Variants in CNGA2 observed in about 807,000 individuals in gnomAD.
CNGA2 encodes the protein cyclic nucleotide-gated channel alpha-2.
In CNGA2, 22 loss-of-function variants were observed where a neutral mutation model predicts 35.9. The observed-to-expected ratio is 0.61, with a 90% CI of 0.44 to 0.88. The LOEUF (loss-of-function observed/expected upper bound fraction) is 0.88. Ranked by LOEUF, CNGA2 falls within the 40% of genes least tolerant of loss-of-function variation. CNGA2 has a pLI of 0.00. For missense variants in CNGA2, 555 were observed against 530.8 expected, an observed-to-expected ratio of 1.05 and a Z score of -0.45; for synonymous variants, 217 against 209.2, an observed-to-expected ratio of 1.04 and a Z score of -0.32.
chrX:151,736,976 G>A (rs2015252750), intron 1 of CNGA2, among the ~76,000 whole-genome samples: 1 of 111,733 alleles, frequency 8.9e-6, no homozygotes, highest in African/African-American at 3.2e-5. Flanking sequence ...GGTCCAAGCA[G>A]GGACTCAGTG....
At position 151,743,779 on chromosome X, in the gene CNGA2, C is replaced by G. The variant is rs1396710739; in HGVS notation, c.1276C>G (p.Arg426Gly). The change falls in exon 7 of 7, where the codon CGA becomes GGA. Residue 426 changes from arginine to glycine, a missense_variant. By Grantham distance (125) the Arg-to-Gly change is moderately radical (BLOSUM62 -2). Coordinates refer to ENST00000329903, the MANE Select transcript of CNGA2 (RefSeq NM_005140.3). ...GACCAATAAGAAGACAGTGGATGAG[C>G]GAGAAATTCTCAAGAATCTGCCAGC... ...LWTNKKTVDE[R>G]EILKNLPAKL... The G allele has an allele frequency of 1.7e-6, 2 of 1,211,324 alleles. No individual in the cohort carries two copies. Among genetic ancestry groups the G allele is most frequent in the Non-Finnish European group, 1.1e-6 (1 of 895,388 alleles).
At chrX:151,735,858 T>C (rs776373373) in intron 1 of CNGA2, among the ~76,000 whole-genome samples, 5 of 110,724 alleles carry the variant, frequency 4.5e-5, no homozygotes, top group African/African-American at 1.6e-4. Context: ...CCCCTCCTAC[T>C]CCTCGCTTGA....
chrX:151,738,560 C>T lies in CNGA2; in HGVS notation c.77C>T (p.Ala26Val). 3 of 1,210,896 alleles carry T rather than the reference C, an allele frequency of 2.5e-6. No individual in the cohort carries two copies. The highest frequency in any genetic ancestry group is 3.4e-6 in the Non-Finnish European group (3 of 894,596). The change falls in exon 2 of 7, where the codon GCC becomes GTC. Residue 26 changes from alanine (A) to valine (V), a missense_variant. Physicochemically the swap from Ala to Val is moderately conservative, Grantham distance 64 (BLOSUM62 0). Coordinates refer to ENST00000329903, the MANE Select transcript of CNGA2 (RefSeq NM_005140.3). ...CATCATGCACCTCCTGCCATCAAGG[C>T]CAATGGCAAAGATGACCACAGGACA... ...HNHHAPPAIKANGKDDHRTSS... is the reference protein window; with the variant it reads ...HNHHAPPAIKVNGKDDHRTSS...
chrX:151,744,526 A>ATTGGCC lies in CNGA2; in HGVS notation c.*38_*43dup, dbSNP rs771487965. 6.4e-6 allele frequency: 6 copies of ATTGGCC among 942,972 alleles called. No individual in the cohort carries two copies. The South Asian group carries it at 9.0e-5, about 14-fold the overall frequency. The allele number at this position is 942,972 out of a possible 1,213,427, so 77.7% of individuals were successfully genotyped here. On this transcript the variant is annotated 3_prime_UTR_variant, in exon 7 of 7. Transcript: ENST00000329903. ...CCTGGGGCCCAACTGCCTCTCCAGC[A>ATTGGCC]TTGGCCTTGGCCTTGATCCCAGAAG... is the stretch of plus-strand genomic sequence containing the variant.
chrX:151,740,612 A>G (rs970355156), intron 4 of CNGA2, among the ~76,000 whole-genome samples, 182 bp from the exon 5 acceptor site: 3 of 112,395 alleles, frequency 2.7e-5, no homozygotes, highest in Non-Finnish European at 3.8e-5. Context: ...AGTTCCACTC[A>G]GATGTCCAGT....
At chrX:151,734,983 T>A (rs956283841) in intron 1 of CNGA2, among the ~76,000 whole-genome samples, 40 bp downstream of exon 1, 5 of 111,730 alleles carry the variant, frequency 4.5e-5, no homozygotes, top group Non-Finnish European at 9.4e-5. Flanking sequence ...GATGAGTGAA[T>A]GAATGGGCCA....
At position 151,743,448 on chromosome X, in the gene CNGA2, T is replaced by C. The variant is rs910747625; in HGVS notation, c.945T>C (p.Pro315=). ...DTWVYPNITD[P]EYGYLAREYI... is the part of the protein sequence containing the mutation. ...GGGTTTACCCAAACATCACTGACCC[T>C]GAGTATGGCTACCTGGCTAGGGAAT... Residue 315 remains proline (P), a synonymous_variant, in exon 7 of 7, where the codon CCT becomes CCC. Coordinates refer to ENST00000329903, the MANE Select transcript of CNGA2 (RefSeq NM_005140.3). 1.7e-6 allele frequency: 2 copies of C among 1,210,827 alleles called. No individual in the cohort carries two copies. The highest frequency in any genetic ancestry group is 1.1e-6 in the Non-Finnish European group (1 of 895,168).
chrX:151,742,996 A>ATATATATATATG (rs2015327408), intron 6 of CNGA2, 97 bp from the exon 7 acceptor site: 1 of 25,720 alleles, frequency 3.9e-5, no homozygotes, highest in African/African-American at 1.8e-4. Context: ...ATATATGTGT[A>ATATATATATATG]TATATATATA....
chrX:151,743,010 A>G lies in CNGA2; in HGVS notation c.590-83A>G, dbSNP rs1478503630. Reference sequence around the variant, plus strand: ...TATATATGTGTATATATATATACACATATATATGTATATATATGCACATAT... The same window carrying G: ...TATATATGTGTATATATATATACACGTATATATGTATATATATGCACATAT... On this transcript the variant is annotated intron_variant, in intron 6 of 6. Transcript: ENST00000329903. 4.0e-5 allele frequency: 3 copies of G among 75,650 alleles called. No homozygotes were observed. In the East Asian group the frequency reaches 5.5e-4, roughly 14 times the overall value. 6.2% of individuals were successfully genotyped at this position (75,650 alleles called of 1,213,427 possible).
In CNGA2 at chrX:151,739,834, C is replaced by T. The variant is rs184075238; in HGVS notation, c.374+102C>T. The T allele has an allele frequency of 6.4e-4, 596 of 929,089 alleles. 3 individuals carry two copies. The African/African-American group carries it at 0.011, about 16-fold the overall frequency. The allele number at this position is 929,089 out of a possible 1,213,427, so 76.6% of individuals were successfully genotyped here. A position where few individuals can be genotyped will look rare whatever the true frequency, so the allele number is the denominator to read the frequency against. ...CTGCTAGGGGCTATGACAAGCCCTG[C>T]TGTAGTAAAAAGAGTGGTGGGCAAG... On this transcript the variant is annotated intron_variant, in intron 4 of 6. Coordinates refer to ENST00000329903, the MANE Select transcript of CNGA2 (RefSeq NM_005140.3).
chrX:151,740,062 G>A (rs946728977), intron 4 of CNGA2, among the ~76,000 whole-genome samples: 2 of 112,266 alleles, frequency 1.8e-5, no homozygotes, highest in Non-Finnish European at 3.8e-5. Context: ...CCCTGGAGGG[G>A]ATGCCAATCT....
intron 1 of CNGA2, among the ~76,000 whole-genome samples, chrX:151,735,393 G>A (rs1440064354): frequency 8.9e-6 from 1 of 111,783 alleles, no homozygotes; most frequent in Non-Finnish European, 1.9e-5. Flanking sequence ...TATTGCAAAC[G>A]TTCTGGCCTC....
In CNGA2 at chrX:151,738,489, C is replaced by T. The variant is rs145435266; in HGVS notation, c.6C>T (p.Thr2=). The T allele has an allele frequency of 1.7e-3, 2,046 of 1,207,368 alleles. 18 individuals carry two copies. The African/African-American group carries it at 0.031, about 18-fold the overall frequency. ...GCTCTGGTTGTACATGGAGGATGAC[C>T]GAAAAAACCAATGGTGTGAAGAGCT... M[T]EKTNGVKSSP... The change falls in exon 2 of 7, where the codon ACC becomes ACT. Residue 2 remains threonine (T), a synonymous_variant. Coordinates refer to ENST00000329903, the MANE Select transcript of CNGA2 (RefSeq NM_005140.3).
In CNGA2 at chrX:151,743,205, C is replaced by T; in HGVS notation, c.702C>T (p.Ile234=). ...CTTCCATCATCCCCACTGACCTGATCTATTTTGCTGTGGACATCCACAGCC... is the reference window on the plus strand; with the variant it reads ...CTTCCATCATCCCCACTGACCTGATTTATTTTGCTGTGGACATCCACAGCC... ...DVASIIPTDL[I]YFAVDIHSPE... Residue 234 remains isoleucine, a synonymous_variant, in exon 7 of 7, where the codon ATC becomes ATT. Transcript: ENST00000329903. 1 of 1,205,912 alleles carries T rather than the reference C, an allele frequency of 8.3e-7. No homozygotes were observed. Among genetic ancestry groups the T allele is most frequent in the Non-Finnish European group, 1.1e-6 (1 of 894,180 alleles).
chrX:151,743,420 C>A lies in CNGA2; in HGVS notation c.917C>A (p.Thr306Asn). 1 of 1,210,651 alleles carries A rather than the reference C, an allele frequency of 8.3e-7. No individual in the cohort carries two copies. ...ISKSIGFGVDTWVYPNITDPE... is the reference protein window; with the variant it reads ...ISKSIGFGVDNWVYPNITDPE... ...AAATCCATAGGCTTTGGGGTCGACA[C>A]CTGGGTTTACCCAAACATCACTGAC... The change falls in exon 7 of 7, where the codon ACC becomes AAC. Residue 306 changes from threonine to asparagine, a missense_variant. Physicochemically the swap from Thr to Asn is moderately conservative, Grantham distance 65. Coordinates refer to ENST00000329903, the MANE Select transcript of CNGA2 (RefSeq NM_005140.3).
rs1342672015 is a variant in CNGA2, at chrX:151,744,287, T to C, written c.1784T>C (p.Val595Ala). The C allele has an allele frequency of 8.3e-7, 1 of 1,206,571 alleles. No individual in the cohort carries two copies. Residue 595 changes from valine to alanine, a missense_variant, in exon 7 of 7, where the codon GTC becomes GCC. By Grantham distance (64) the Val-to-Ala change is moderately conservative. Transcript: ENST00000329903. ...DENEVATSME[V>A]DVQEKLGQLE... ...AACGAAGTGGCAACCAGCATGGAGG[T>C]CGACGTGCAGGAGAAGCTAGGGCAG...
chrX:151,744,422 T>A lies in CNGA2; in HGVS notation c.1919T>A (p.Met640Lys). The A allele has an allele frequency of 8.3e-7, 1 of 1,209,899 alleles. No homozygotes were observed. The highest frequency in any genetic ancestry group is 1.1e-6 in the Non-Finnish European group (1 of 894,715). Residue 640 changes from methionine to lysine, a missense_variant, in exon 7 of 7, where the codon ATG (methionine) becomes AAG (lysine). Transcript: ENST00000329903. ...KQRITVLETK[M>K]KQNNEDDYLS... ...CGCATCACAGTTCTGGAAACCAAGA[T>A]GAAACAGAACAATGAAGATGACTAC...
intron 3 of CNGA2, 73 bp from the exon 4 acceptor site, chrX:151,739,489 C>T: frequency 9.6e-7 from 1 of 1,043,929 alleles, no homozygotes; most frequent in Non-Finnish European, 1.3e-6. Flanking sequence ...AGACAGTGAG[C>T]TCTTGGGGAC....
At chrX:151,735,609 A>C (rs1476799017) in intron 1 of CNGA2, among the ~76,000 whole-genome samples, 1 of 111,286 alleles carries the variant, frequency 9.0e-6, no homozygotes, top group Non-Finnish European at 1.9e-5. Context: ...CCCATGTTTC[A>C]TGGGCTTCAG....
Sources: allele counts gnomAD v4.1 joint callset (sites outside exome capture counted in the v4.1 genomes callset), GRCh38; gene constraint gnomAD v4.1.1; transcripts MANE v1.5; gene names NCBI Gene and HGNC (gene_info 2026-07-23, HGNC 2026-07-21).